Variants in RBFOX1 observed in about 807,000 individuals in gnomAD.
The protein encoded by RBFOX1 is RNA binding protein fox-1 homolog 1.
RBFOX1 carries 8 observed loss-of-function variants against 57.7 expected under a neutral mutation model. The observed-to-expected ratio is 0.14, with a 90% confidence interval of 0.08 to 0.25. RBFOX1 has a LOEUF of 0.25. Ranked by LOEUF, RBFOX1 falls within the 10% of genes least tolerant of loss-of-function variation. The pLI is 1.00. For synonymous variants in RBFOX1, 326 were observed against 222.4 expected (o/e 1.47, Z -4.15); for missense variants, 611 against 548.5 (o/e 1.11, Z -1.14).
intron 3 of RBFOX1, among the ~76,000 whole-genome samples, chr16:5,787,479 C>T (rs1468781943): frequency 1.3e-5 from 2 of 152,164 alleles, no homozygotes; most frequent in East Asian, 1.9e-4. Context: ...TTACCTCATG[C>T]TTAGCCATGA....
At chr16:5,565,170 C>T (rs992009612) in intron 2 of RBFOX1, among the ~76,000 whole-genome samples, 1 of 152,186 alleles carries the variant, frequency 6.6e-6, no homozygotes, top group Non-Finnish European at 1.5e-5. Context: ...TCATCCAAAG[C>T]ACCAGGGTTC....
At chr16:6,987,982 A>C (rs994349576) in intron 3 of RBFOX1, among the ~76,000 whole-genome samples, 1 of 152,162 alleles carries the variant, frequency 6.6e-6, no homozygotes, top group Admixed American at 6.5e-5. Context: ...TTCCTTGCAT[A>C]ATCTTATATA....
intron 1 of RBFOX1, among the ~76,000 whole-genome samples, chr16:6,123,346 T>C (rs548331804): frequency 6.6e-6 from 1 of 152,352 alleles, no homozygotes; most frequent in South Asian, 2.1e-4. Context: ...AATTCTGACA[T>C]GTGCTATAAT....
rs182313124 is a variant in RBFOX1, at chr16:6,214,886, G to A, written c.-126-102109G>A. On this transcript the variant is annotated intron_variant, in intron 1 of 15. Transcript: ENST00000550418. ...GAGGGAGAAGGCGAGGGGAGAAGGA[G>A]AGGGAGTGGGACCGGGAGAGAAGGA... is the stretch of plus-strand genomic sequence containing the variant. Among the ~76,000 whole-genome samples the A allele has an allele frequency of 6.5e-5, 8 of 123,758 alleles. No homozygotes were observed. In the East Asian group the frequency reaches 2.3e-3, roughly 35 times the overall value. 81.2% of individuals were successfully genotyped at this position (123,758 alleles called of 152,430 possible).
chr16:6,535,151 G>A (rs2096717739), intron 2 of RBFOX1, among the ~76,000 whole-genome samples: 1 of 152,134 alleles, frequency 6.6e-6, no homozygotes, highest in South Asian at 2.1e-4. Context: ...AACGTGTGCT[G>A]GTTTGTCTGG....
chr16:5,399,736 A>G (rs2066660874), intron 1 of RBFOX1, among the ~76,000 whole-genome samples: 1 of 147,960 alleles, frequency 6.8e-6, no homozygotes, highest in Non-Finnish European at 1.5e-5. Context: ...CCTGTCTTAA[A>G]AAAAAAAAAA....
chr16:5,976,109 C>T (rs976177651), intron 4 of RBFOX1, among the ~76,000 whole-genome samples: 1 of 151,932 alleles, frequency 6.6e-6, no homozygotes, highest in East Asian at 1.9e-4. Context: ...CTCTAGACTG[C>T]ACTCTAGACT....
intron 4 of RBFOX1, among the ~76,000 whole-genome samples, chr16:7,323,780 T>C (rs2096575760): frequency 6.6e-6 from 1 of 152,152 alleles, no homozygotes; most frequent in Non-Finnish European, 1.5e-5. Flanking sequence ...CTGTTAGTGA[T>C]GATGAAGAAG....
intron 4 of RBFOX1, among the ~76,000 whole-genome samples, chr16:7,260,049 C>T (rs1374045474): frequency 6.6e-6 from 1 of 152,124 alleles, no homozygotes; most frequent in Non-Finnish European, 1.5e-5. Flanking sequence ...TCCATAAGAA[C>T]AGAGACTGTC....
chr16:6,099,214 A>T (rs2096277967), intron 1 of RBFOX1, among the ~76,000 whole-genome samples: 1 of 152,218 alleles, frequency 6.6e-6, no homozygotes, highest in Non-Finnish European at 1.5e-5. Context: ...TTGGCCAAAG[A>T]AAGTGTTAAG....
chr16:6,598,058 G>C (rs533365392), intron 2 of RBFOX1, among the ~76,000 whole-genome samples: 1 of 152,294 alleles, frequency 6.6e-6, no homozygotes, highest in South Asian at 2.1e-4. Flanking sequence ...AGTCACTTTG[G>C]TCAGGTTTGG....
chr16:6,122,802 A>ATGTG (rs4038155), intron 1 of RBFOX1, among the ~76,000 whole-genome samples: 4,950 of 147,576 alleles, frequency 0.034, 117 homozygotes, highest in African/African-American at 0.064. Flanking sequence ...ATGTGTGTGT[A>ATGTG]TGTGTGTGTG....
chr16:7,079,055 C>T (rs1370754981), intron 4 of RBFOX1, among the ~76,000 whole-genome samples: 1 of 151,706 alleles, frequency 6.6e-6, no homozygotes, highest in Non-Finnish European at 1.5e-5. Context: ...AAACATGGTT[C>T]AACTCATGAC....
chr16:6,437,673 G>A (rs1342996237), intron 2 of RBFOX1, among the ~76,000 whole-genome samples: 1 of 152,184 alleles, frequency 6.6e-6, no homozygotes, highest in Non-Finnish European at 1.5e-5. Flanking sequence ...TAGGAGGCAT[G>A]GCTGGGAGGC....
At chr16:7,143,613 T>C (rs934327266) in intron 4 of RBFOX1, among the ~76,000 whole-genome samples, 1 of 152,156 alleles carries the variant, frequency 6.6e-6, no homozygotes, top group Non-Finnish European at 1.5e-5. Context: ...CTTTTTATCT[T>C]TTCTGTGTCC....
intron 3 of RBFOX1, among the ~76,000 whole-genome samples, chr16:5,727,893 C>G (rs1686672339): frequency 6.6e-6 from 1 of 152,150 alleles, no homozygotes; most frequent in Admixed American, 6.6e-5. Flanking sequence ...TCTGTGTTGC[C>G]TACACTGGGC....
chr16:5,792,688 C>A (rs1020381629), intron 3 of RBFOX1, among the ~76,000 whole-genome samples: 1 of 152,046 alleles, frequency 6.6e-6, no homozygotes, highest in Admixed American at 6.5e-5. Context: ...ACTAAAAATA[C>A]AAAAACTAGC....
intron 2 of RBFOX1, among the ~76,000 whole-genome samples, chr16:6,453,266 C>T (rs539957636): frequency 6.6e-6 from 1 of 152,220 alleles, no homozygotes; most frequent in Admixed American, 6.5e-5. Flanking sequence ...TCCTCTAGCC[C>T]CCCACCCCTT....
intron 10 of RBFOX1, among the ~76,000 whole-genome samples, chr16:7,623,511 CT>C (rs952613663): frequency 2.0e-4 from 31 of 152,188 alleles, no homozygotes; most frequent in African/African-American, 7.5e-4. Context: ...AAGATTCACA[CT>C]TTTATGAAAA....
Sources: allele counts gnomAD v4.1 joint callset (sites outside exome capture counted in the v4.1 genomes callset), GRCh38; gene constraint gnomAD v4.1.1; transcripts MANE v1.5; gene names NCBI Gene and HGNC (gene_info 2026-07-23, HGNC 2026-07-21).